The following KCNAB1 variants were observed in gnomAD, a reference collection of about 807,000 sequenced individuals.
KCNAB1 encodes potassium voltage-gated channel subfamily A regulatory beta subunit 1, also known as voltage-gated potassium channel subunit beta-1.
In KCNAB1, 35 loss-of-function variants were observed where a neutral mutation model predicts 64.6. That is an observed-to-expected ratio of 0.54 (90% CI 0.41 to 0.72). The LOEUF (loss-of-function observed/expected upper bound fraction) is 0.72. Among genes scored for constraint, KCNAB1 ranks in the 30% least tolerant of loss-of-function variants. KCNAB1 has a pLI of 0.00. For missense variants in KCNAB1, 401 were observed against 512.9 expected (o/e 0.78, Z 2.11); for synonymous variants, 177 against 183.8 (o/e 0.96, Z 0.30).
chr3:156,533,777 T>C lies in KCNAB1; in HGVS notation c.1170+2280T>C, dbSNP rs548492224. ...CATGGCTTGGCAGAAGAGGGAGGAATTGAGGATTTTTATCATGCTAATACA... is the reference window on the plus strand; with the variant it reads ...CATGGCTTGGCAGAAGAGGGAGGAACTGAGGATTTTTATCATGCTAATACA... On this transcript the variant is annotated intron_variant, in intron 13 of 13. Coordinates refer to ENST00000490337, the MANE Select transcript of KCNAB1 (RefSeq NM_172160.3). Among the ~76,000 whole-genome samples the C allele has an allele frequency of 1.2e-4, 18 of 151,858 alleles. No individual in the cohort carries two copies. In the South Asian group the frequency reaches 3.8e-3, roughly 32 times the overall value.
intron 1 of KCNAB1, among the ~76,000 whole-genome samples, chr3:156,414,148 TAAGA>T (rs1344668137): frequency 6.6e-6 from 1 of 152,230 alleles, no homozygotes; most frequent in Non-Finnish European, 1.5e-5. Context: ...GTAAATGGAA[TAAGA>T]AAGATATAAG....
At chr3:156,467,304 T>C (rs186572286) in intron 7 of KCNAB1, among the ~76,000 whole-genome samples, 3 of 152,260 alleles carry the variant, frequency 2.0e-5, no homozygotes, top group Admixed American at 1.3e-4. Context: ...CAAACCATTG[T>C]AAGTTGTGAA....
intron 1 of KCNAB1, among the ~76,000 whole-genome samples, chr3:156,155,430 A>G (rs940502392): frequency 6.6e-6 from 1 of 152,242 alleles, no homozygotes; most frequent in African/African-American, 2.4e-5. Flanking sequence ...TTCTCTGGAG[A>G]AACACAAAGC....
At chr3:156,337,390 A>G (rs1385930369) in intron 1 of KCNAB1, among the ~76,000 whole-genome samples, 4 of 151,754 alleles carry the variant, frequency 2.6e-5, no homozygotes, top group Admixed American at 6.6e-5. Context: ...TTTTCCCCCC[A>G]CTGTCTTCTT....
At chr3:156,401,668 C>A (rs1713899570) in intron 1 of KCNAB1, among the ~76,000 whole-genome samples, 1 of 152,174 alleles carries the variant, frequency 6.6e-6, no homozygotes, top group Non-Finnish European at 1.5e-5. Flanking sequence ...GCTACAGCCA[C>A]CCAATGAAAT....
chr3:156,350,128 T>A (rs1435681494), intron 1 of KCNAB1, among the ~76,000 whole-genome samples: 2 of 152,270 alleles, frequency 1.3e-5, no homozygotes, highest in Non-Finnish European at 2.9e-5. Context: ...TCCTTTATCA[T>A]TGTATTCTGA....
At chr3:156,162,287 A>G (rs3935399) in intron 1 of KCNAB1, among the ~76,000 whole-genome samples, 88,900 of 151,828 alleles carry the variant, frequency 0.59, 26,953 homozygotes, top group East Asian at 0.93. Context: ...GAAGACAGAG[A>G]AAATGGTAGC....
At chr3:156,525,854 TAC>T (rs1718278463) in intron 12 of KCNAB1, among the ~76,000 whole-genome samples, 1 of 152,222 alleles carries the variant, frequency 6.6e-6, no homozygotes, top group Non-Finnish European at 1.5e-5. Context: ...GTAAAAATGT[TAC>T]AGTTAGCTAA....
At chr3:156,317,445 T>C (rs1417227789) in intron 1 of KCNAB1, among the ~76,000 whole-genome samples, 1 of 152,178 alleles carries the variant, frequency 6.6e-6, no homozygotes, top group African/African-American at 2.4e-5. Flanking sequence ...CTGTTAATTG[T>C]CTTTCACTTG....
chr3:156,188,787 TCTA>T (rs1298066711), intron 1 of KCNAB1, among the ~76,000 whole-genome samples: 3 of 152,214 alleles, frequency 2.0e-5, no homozygotes, highest in African/African-American at 7.2e-5. Context: ...ATTTTTCTCT[TCTA>T]CTATACCCTG....
Position 156,452,837 on chromosome 3 carries a change from T to G in KCNAB1, c.320-62T>G, listed in dbSNP as rs1219544657. The G allele has an allele frequency of 3.2e-5, 42 of 1,295,674 alleles. No individual in the cohort carries two copies. Among genetic ancestry groups the G allele is most frequent in the Non-Finnish European group, 4.6e-5 (42 of 910,778 alleles). 80.3% of individuals were successfully genotyped at this position (1,295,674 alleles called of 1,614,324 possible). A position where few individuals can be genotyped will look rare whatever the true frequency, so the allele number is the denominator to read the frequency against. ...GGTAGTCCCAAAGTAAGAATTTCCC[T>G]TATTACGCACAATATTAGAAAAATG... On this transcript the variant is annotated intron_variant, in intron 2 of 13. Coordinates refer to ENST00000490337, the MANE Select transcript of KCNAB1 (RefSeq NM_172160.3). The surrounding 1 kb of genome is among the most constrained non-coding windows in gnomAD (Gnocchi z 4.6).
At chr3:156,275,926 C>T (rs1163349140) in intron 1 of KCNAB1, among the ~76,000 whole-genome samples, 1 of 151,992 alleles carries the variant, frequency 6.6e-6, no homozygotes, top group African/African-American at 2.4e-5. Flanking sequence ...TCCTATAAAT[C>T]ACAAATGTTC....
Position 156,538,304 on chromosome 3 carries a change from G to T in KCNAB1, c.*1557G>T, listed in dbSNP as rs1719204974. The T allele has an allele frequency of 2.3e-5, 1 of 44,180 alleles. No individual in the cohort carries two copies. 2.7% of individuals were successfully genotyped at this position (44,180 alleles called of 1,614,324 possible). A position where few individuals can be genotyped will look rare whatever the true frequency, so the allele number is the denominator to read the frequency against. Reference sequence around the variant, plus strand: ...GAACTGTAATATTATTTTAAAATGCGATTTTTCTGTCATTAGTTCTAGATA... The same window carrying T: ...GAACTGTAATATTATTTTAAAATGCTATTTTTCTGTCATTAGTTCTAGATA... On this transcript the variant is annotated 3_prime_UTR_variant, in exon 14 of 14. Coordinates refer to ENST00000490337, the MANE Select transcript of KCNAB1 (RefSeq NM_172160.3).
intron 1 of KCNAB1, among the ~76,000 whole-genome samples, chr3:156,349,015 G>A (rs897507490): frequency 3.3e-5 from 5 of 152,154 alleles, no homozygotes; most frequent in African/African-American, 1.2e-4. Context: ...AAGAAATCAC[G>A]CAAGAAACAT....
In KCNAB1 at chr3:156,298,678, A is replaced by G. The variant is rs1720954173; in HGVS notation, c.276-122938A>G. The stretch of plus-strand genomic sequence containing the variant: ...GATCAAAATATAGGACTCTTAATTT[A>G]TTTGAGTACCCTTTAAAAACTTTTT... On this transcript the variant is annotated intron_variant, in intron 1 of 13. Coordinates refer to ENST00000490337, the MANE Select transcript of KCNAB1 (RefSeq NM_172160.3). Among the ~76,000 whole-genome samples the G allele has an allele frequency of 2.6e-5, 4 of 152,208 alleles. No individual in the cohort carries two copies. The South Asian group carries it at 8.3e-4, about 31-fold the overall frequency.
At chr3:156,331,453 G>A (rs1002957261) in intron 1 of KCNAB1, among the ~76,000 whole-genome samples, 1 of 152,056 alleles carries the variant, frequency 6.6e-6, no homozygotes, top group African/African-American at 2.4e-5. Context: ...TAAAAACAAA[G>A]GAGTCGTTTT....
intron 1 of KCNAB1, among the ~76,000 whole-genome samples, chr3:156,381,289 A>T (rs143791692): frequency 1.3e-5 from 2 of 152,320 alleles, no homozygotes; most frequent in East Asian, 3.9e-4. Context: ...AAGGAGAAAG[A>T]ACATTTTTGG....
At chr3:156,413,969 C>A (rs1714870954) in intron 1 of KCNAB1, among the ~76,000 whole-genome samples, 1 of 152,158 alleles carries the variant, frequency 6.6e-6, no homozygotes, top group Non-Finnish European at 1.5e-5. Flanking sequence ...ATTTTCTGTT[C>A]CTCTGTCAAG....
chr3:156,343,170 GA>G (rs1724255694), intron 1 of KCNAB1, among the ~76,000 whole-genome samples: 1 of 152,118 alleles, frequency 6.6e-6, no homozygotes, highest in Non-Finnish European at 1.5e-5. Flanking sequence ...TTCAGCTTTG[GA>G]GTATTTTCTT....
Sources: allele counts gnomAD v4.1 joint callset (sites outside exome capture counted in the v4.1 genomes callset), GRCh38; gene constraint gnomAD v4.1.1; non-coding constraint Gnocchi (gnomAD v3.1); transcripts MANE v1.5; gene names NCBI Gene and HGNC (gene_info 2026-07-23, HGNC 2026-07-21).